Variants in GLIS3 observed in about 807,000 individuals in gnomAD.
The protein encoded by GLIS3 is zinc finger protein GLIS3.
A neutral mutation model predicts 78.6 loss-of-function variants in GLIS3; 53 were observed. That is an observed-to-expected ratio of 0.67 (90% CI 0.54 to 0.85). The LOEUF is 0.85. Ranked by LOEUF, GLIS3 falls within the 40% of genes least tolerant of loss-of-function variation. The pLI is 0.00. For synonymous variants in GLIS3, 684 were observed against 509.9 expected (o/e 1.34, Z -4.60); for missense variants, 1,703 against 1,231.1 (o/e 1.38, Z -5.74).
intron 6 of GLIS3, among the ~76,000 whole-genome samples, chr9:3,902,261 C>T (rs1025822292): frequency 6.6e-6 from 1 of 152,118 alleles, no homozygotes. Flanking sequence ...AAAGGAGAGC[C>T]GTATGCATAG....
chr9:4,179,738 C>T (rs778778094), intron 2 of GLIS3, among the ~76,000 whole-genome samples: 8 of 151,894 alleles, frequency 5.3e-5, no homozygotes, highest in Non-Finnish European at 1.2e-4. Context: ...GGTGAAACCC[C>T]GTCTCTACTA....
chr9:4,074,763 T>C (rs1382355140), intron 4 of GLIS3, among the ~76,000 whole-genome samples: 2 of 152,186 alleles, frequency 1.3e-5, no homozygotes, highest in Non-Finnish European at 2.9e-5. Flanking sequence ...AGCCTCCTGG[T>C]CTCAGCCATC....
intron 4 of GLIS3, among the ~76,000 whole-genome samples, chr9:4,306,658 G>T: frequency 6.6e-6 from 1 of 152,216 alleles, no homozygotes; most frequent in East Asian, 1.9e-4. Context: ...AAATAGAGAA[G>T]GAATCATAGA....
intron 2 of GLIS3, among the ~76,000 whole-genome samples, chr9:4,249,331 C>G (rs1824125759): frequency 6.6e-6 from 1 of 152,158 alleles, no homozygotes; most frequent in Non-Finnish European, 1.5e-5. Flanking sequence ...TTGAAGAGAT[C>G]CTTCACATCC....
At chr9:4,246,125 C>A (rs1823780371) in intron 2 of GLIS3, among the ~76,000 whole-genome samples, 1 of 152,042 alleles carries the variant, frequency 6.6e-6, no homozygotes, top group African/African-American at 2.4e-5. Flanking sequence ...GCCTGTAATC[C>A]CAGCACTTTG....
At chr9:4,111,834 C>T (rs1053101463) in intron 4 of GLIS3, among the ~76,000 whole-genome samples, 2 of 152,232 alleles carry the variant, frequency 1.3e-5, no homozygotes, top group African/African-American at 4.8e-5. Flanking sequence ...TCACTCTGAT[C>T]TTTACCAGAT....
At chr9:4,283,053 A>T (rs1195879262) in intron 2 of GLIS3, among the ~76,000 whole-genome samples, 1 of 150,670 alleles carries the variant, frequency 6.6e-6, no homozygotes, top group East Asian at 2.0e-4. Flanking sequence ...AATAAGTCCC[A>T]GACAACCCCC....
At chr9:4,142,013 G>C (rs187047958) in intron 2 of GLIS3, among the ~76,000 whole-genome samples, 2 of 152,226 alleles carry the variant, frequency 1.3e-5, no homozygotes, top group Non-Finnish European at 2.9e-5. Flanking sequence ...TTGTAGATGC[G>C]AATCCAGACA....
At chr9:3,840,150 C>G (rs1355781512) in intron 9 of GLIS3, among the ~76,000 whole-genome samples, 1 of 152,170 alleles carries the variant, frequency 6.6e-6, no homozygotes, top group Non-Finnish European at 1.5e-5. Flanking sequence ...GGTGCATTCT[C>G]TGGCACATAG....
chr9:4,479,895 TTTC>T, the GLIS3 span, among the ~76,000 whole-genome samples: 71 of 148,240 alleles, frequency 4.8e-4, no homozygotes, highest in Non-Finnish European at 8.7e-4. Context: ...CACACAATAA[TTTC>T]TTCTTCTTTT....
chr9:3,951,217 T>C lies in GLIS3; in HGVS notation c.1711-14028A>G, dbSNP rs545527759. The stretch of plus-strand genomic sequence containing the variant: ...ATAAGTGACAACAGGTCTTGCTTTA[T>C]AGTAATCTAAAAATTCAAAGCCCAA... On this transcript the variant is annotated intron_variant, in intron 4 of 10. Transcript: ENST00000381971. 9.8e-5 allele frequency among the ~76,000 whole-genome samples: 15 copies of C among 152,336 alleles called. No individual in the cohort carries two copies. The East Asian group carries it at 2.9e-3, about 29-fold the overall frequency.
Position 3,834,439 on chromosome 9 carries a change from C to T in GLIS3, c.2474-4947G>A, listed in dbSNP as rs191620041. 3.3e-5 allele frequency among the ~76,000 whole-genome samples: 5 copies of T among 152,284 alleles called. No homozygotes were observed. The East Asian group carries it at 5.8e-4, about 18-fold the overall frequency. ...ATGTGGTTATTACATCTTTGAAATGCGGCTAGTGTGACTGAAGAACTGACT... is the reference window on the plus strand; with the variant it reads ...ATGTGGTTATTACATCTTTGAAATGTGGCTAGTGTGACTGAAGAACTGACT... On this transcript the variant is annotated intron_variant, in intron 9 of 10. Coordinates refer to ENST00000381971, the MANE Select transcript of GLIS3 (RefSeq NM_001042413.2).
At chr9:4,011,446 T>C (rs746322149) in intron 4 of GLIS3, among the ~76,000 whole-genome samples, 2 of 152,140 alleles carry the variant, frequency 1.3e-5, no homozygotes, top group South Asian at 2.1e-4. Context: ...GTGGCCTGAG[T>C]GTCTTAGGTC....
At chr9:4,447,694 C>T in the GLIS3 span, among the ~76,000 whole-genome samples, 3 of 152,148 alleles carry the variant, frequency 2.0e-5, no homozygotes, top group South Asian at 6.2e-4. Flanking sequence ...GAAAGAGATG[C>T]TGAAATTTTT....
chr9:4,118,779 G>C lies in GLIS3; in HGVS notation c.699C>G (p.Ala233=). The change falls in exon 4 of 11, where the codon GCC becomes GCG. Residue 233 remains alanine, a synonymous_variant. Coordinates refer to ENST00000381971, the MANE Select transcript of GLIS3 (RefSeq NM_001042413.2). This position sits in a 1 kb window ranked among gnomAD's most constrained non-coding sequence, Gnocchi z 4.7. ...MKQEWSQGYR[A]LPSLSNHGSQ... is the part of the protein sequence containing the mutation. ...AGCCGTGGTTGGAGAGCGAAGGGAG[G>C]GCCCTGTAGCCCTGGGACCACTCCT... The C allele has an allele frequency of 2.5e-6, 4 of 1,612,532 alleles. No homozygotes were observed. The highest frequency in any genetic ancestry group is 1.6e-4 in the Middle Eastern group (1 of 6,062).
the GLIS3 span, among the ~76,000 whole-genome samples, chr9:4,415,908 C>T: frequency 6.6e-6 from 1 of 151,848 alleles, no homozygotes; most frequent in Non-Finnish European, 1.5e-5. Flanking sequence ...TTTACTCTCC[C>T]TGAGCCCCAC....
upstream of GLIS3, among the ~76,000 whole-genome samples, chr9:4,300,430 T>C (rs4741938): frequency 0.94 from 142,825 of 152,184 alleles, 67,664 homozygotes; most frequent in Non-Finnish European, 1. Context: ...CCGGTAGTAA[T>C]ACGGAGAGAA....
intron 4 of GLIS3, among the ~76,000 whole-genome samples, chr9:4,064,213 T>C (rs1826895574): frequency 6.6e-6 from 1 of 152,168 alleles, no homozygotes; most frequent in African/African-American, 2.4e-5. Context: ...GATTCATACC[T>C]TGTATTATAC....
At chr9:4,143,765 C>G (rs1487081501) in intron 2 of GLIS3, among the ~76,000 whole-genome samples, 1 of 152,176 alleles carries the variant, frequency 6.6e-6, no homozygotes, top group East Asian at 1.9e-4. Flanking sequence ...ACTATTCTAC[C>G]CTCTGCTGCT....
Sources: gnomAD v4.1 joint callset for allele counts (sites outside exome capture counted in the v4.1 genomes callset) on GRCh38, gnomAD v4.1.1 for gene constraint, Gnocchi (gnomAD v3.1) non-coding constraint, MANE v1.5 for transcripts, NCBI Gene and HGNC (gene_info 2026-07-23, HGNC 2026-07-21) for gene names.